Variants in RBM20 observed in about 807,000 individuals in gnomAD.
The protein encoded by RBM20 is RNA binding motif protein 20.
In RBM20, 51 loss-of-function variants were observed where a neutral mutation model predicts 110.1. The observed-to-expected ratio is 0.46, with a 90% CI of 0.37 to 0.59. RBM20 has a LOEUF of 0.59. Among genes scored for constraint, RBM20 ranks in the 20% least tolerant of loss-of-function variants. RBM20 has a pLI of 0.00. For missense variants in RBM20, 1,512 were observed against 1,574.9 expected (o/e 0.96, Z 0.68); for synonymous variants, 589 against 618.2 (o/e 0.95, Z 0.70).
intron 1 of RBM20, among the ~76,000 whole-genome samples, chr10:110,726,094 C>G (rs1373914856): frequency 6.6e-6 from 1 of 152,196 alleles, no homozygotes; most frequent in Admixed American, 6.5e-5. Context: ...CCTGACGCAG[C>G]CCCTCTGCCG....
chr10:110,671,600 G>A (rs1324578737), intron 1 of RBM20, among the ~76,000 whole-genome samples: 1 of 152,084 alleles, frequency 6.6e-6, no homozygotes, highest in Non-Finnish European at 1.5e-5. Flanking sequence ...CTATTATTGG[G>A]AATGAGTATT....
intron 1 of RBM20, among the ~76,000 whole-genome samples, chr10:110,705,913 C>T (rs946765915): frequency 6.6e-6 from 1 of 152,038 alleles, no homozygotes; most frequent in African/African-American, 2.4e-5. Context: ...AAACCCCCAT[C>T]TCTACTAAAA....
chr10:110,737,657 T>C (rs1440462485), intron 1 of RBM20, among the ~76,000 whole-genome samples: 1 of 152,072 alleles, frequency 6.6e-6, no homozygotes, highest in Non-Finnish European at 1.5e-5. Flanking sequence ...TGGAATGATA[T>C]GGTGTATACT....
intron 1 of RBM20, among the ~76,000 whole-genome samples, chr10:110,667,944 G>A (rs998341632): frequency 3.3e-5 from 5 of 152,126 alleles, no homozygotes; most frequent in Admixed American, 2.0e-4. Flanking sequence ...CCTGATTTAC[G>A]AACTGTCCGG....
At chr10:110,718,771 C>T (rs1305855723) in intron 1 of RBM20, among the ~76,000 whole-genome samples, 2 of 151,752 alleles carry the variant, frequency 1.3e-5, no homozygotes, top group Admixed American at 1.3e-4. Context: ...GCCACAATGC[C>T]CGGCTAATTT....
At chr10:110,742,811 C>A (rs1480283556) in intron 1 of RBM20, among the ~76,000 whole-genome samples, 1 of 152,202 alleles carries the variant, frequency 6.6e-6, no homozygotes, top group South Asian at 2.1e-4. Context: ...AAAAGCTGCA[C>A]AAAGCAGAGG....
chr10:110,766,978 ACGGGGCGGCTGGCCGGG>A, intron 1 of RBM20, among the ~76,000 whole-genome samples: 1 of 131,072 alleles, frequency 7.6e-6, no homozygotes, highest in Non-Finnish European at 1.6e-5. Flanking sequence ...TCCCTCCCGG[ACGGGGCGGCTGGCCGGG>A]CAGAGGGGCT....
rs1175813785 is a variant in RBM20 at position 110,821,951 on chromosome 10, T to G, written c.3316+16T>G. On this transcript the variant is annotated intron_variant, in intron 11 of 13. Transcript: ENST00000369519. ...TTGACCCCGGGTAACTATCTCCCCT[T>G]TCCTCACGGGTGGTCGGGTTGATTG... 1.9e-6 allele frequency: 3 copies of G among 1,551,172 alleles called. No homozygotes were observed. Among genetic ancestry groups the G allele is most frequent in the African/African-American group, 2.7e-5 (2 of 73,126 alleles).
chr10:110,669,078 G>T (rs886832557), intron 1 of RBM20, among the ~76,000 whole-genome samples: 6 of 152,170 alleles, frequency 3.9e-5, no homozygotes, highest in Non-Finnish European at 7.3e-5. Flanking sequence ...CCTCATAAAG[G>T]TGTTGTGGTT....
At chr10:110,804,622 A>G (rs1044345526) in intron 7 of RBM20, among the ~76,000 whole-genome samples, 4 of 152,226 alleles carry the variant, frequency 2.6e-5, no homozygotes, top group Non-Finnish European at 4.4e-5. Flanking sequence ...CTTTCACATG[A>G]TAGATGTTTA....
intron 1 of RBM20, among the ~76,000 whole-genome samples, chr10:110,676,222 G>A (rs1327838203): frequency 6.6e-6 from 1 of 152,202 alleles, no homozygotes; most frequent in Non-Finnish European, 1.5e-5. Context: ...GGTGCCAATT[G>A]TACATCCCAG....
chr10:110,650,993 G>A (rs1426373742), intron 1 of RBM20, among the ~76,000 whole-genome samples: 1 of 152,336 alleles, frequency 6.6e-6, no homozygotes, highest in African/African-American at 2.4e-5. Context: ...CTGGGCTTCT[G>A]TCGAGGAGTG....
chr10:110,803,994 G>A (rs565709544), intron 7 of RBM20, among the ~76,000 whole-genome samples: 3 of 152,166 alleles, frequency 2.0e-5, no homozygotes, highest in Non-Finnish European at 4.4e-5. Context: ...CCTGGGATGG[G>A]CCGTAGCAGC....
At chr10:110,772,895 G>A (rs1014509946) in intron 1 of RBM20, among the ~76,000 whole-genome samples, 2 of 152,186 alleles carry the variant, frequency 1.3e-5, no homozygotes, top group African/African-American at 4.8e-5. Flanking sequence ...CCATTTGACA[G>A]ATGAGGAAAT....
Position 110,644,474 on chromosome 10 carries a change from T to G in RBM20, c.20T>G (p.Met7Arg), listed in dbSNP as rs1027203249. MVLAAA[M>R]SQDADPSGPE... The stretch of plus-strand genomic sequence containing the variant: ...CCCCGCATGGTGCTGGCAGCAGCCA[T>G]GAGCCAGGACGCGGACCCCAGCGGT... Residue 7 changes from methionine to arginine, a missense_variant, in exon 1 of 14, where the codon ATG (methionine) becomes AGG (arginine). Physicochemically the swap from Met to Arg is moderately conservative, Grantham distance 91. Coordinates refer to ENST00000369519, the MANE Select transcript of RBM20 (RefSeq NM_001134363.3). This position sits in a 1 kb window ranked among gnomAD's most constrained non-coding sequence, Gnocchi z 4.3. 1.3e-6 allele frequency: 2 copies of G among 1,518,648 alleles called. No homozygotes were observed. The highest frequency in any genetic ancestry group is 1.2e-5 in the South Asian group (1 of 81,348). 94.1% of individuals were successfully genotyped at this position (1,518,648 alleles called of 1,614,324 possible). A position where few individuals can be genotyped will look rare whatever the true frequency, so the allele number is the denominator to read the frequency against.
intron 5 of RBM20, among the ~76,000 whole-genome samples, chr10:110,790,807 G>GT (rs113933134): frequency 2.3e-4 from 35 of 151,962 alleles, no homozygotes; most frequent in Admixed American, 1.8e-3. Context: ...CGATTGATAG[G>GT]TTTTTTTTCA....
At chr10:110,786,400 C>T (rs1341431740) in intron 5 of RBM20, among the ~76,000 whole-genome samples, 5 of 152,364 alleles carry the variant, frequency 3.3e-5, no homozygotes, top group African/African-American at 1.2e-4. Context: ...AAGTGCAGCT[C>T]TCAGGCTCTG....
At chr10:110,721,941 A>T (rs1843511868) in intron 1 of RBM20, among the ~76,000 whole-genome samples, 1 of 152,006 alleles carries the variant, frequency 6.6e-6, no homozygotes, top group Admixed American at 6.5e-5. Context: ...TCAGGGGCAG[A>T]GATTTATCTC....
Position 110,836,038 on chromosome 10 carries a change from G to C in RBM20, c.*60G>C, listed in dbSNP as rs1413670554. Reference sequence around the variant, plus strand: ...AGGTTGGAAAGGAGAGCTTGCTGAAGTGGGGCCTTCCTGATTCTGGGGACA... The same window carrying C: ...AGGTTGGAAAGGAGAGCTTGCTGAACTGGGGCCTTCCTGATTCTGGGGACA... On this transcript the variant is annotated 3_prime_UTR_variant, in exon 14 of 14. Transcript: ENST00000369519. 1.4e-6 allele frequency: 1 copy of C among 700,316 alleles called. No homozygotes were observed. The highest frequency in any genetic ancestry group is 2.5e-6 in the Non-Finnish European group (1 of 405,602). 43.4% of individuals were successfully genotyped at this position (700,316 alleles called of 1,614,324 possible).
Sources: allele counts gnomAD v4.1 joint callset (sites outside exome capture counted in the v4.1 genomes callset), GRCh38; gene constraint gnomAD v4.1.1; non-coding constraint Gnocchi (gnomAD v3.1); transcripts MANE v1.5; gene names NCBI Gene and HGNC (gene_info 2026-07-23, HGNC 2026-07-21).